Variants in SPACA7 observed in about 807,000 individuals in gnomAD.
The protein encoded by SPACA7 is sperm acrosome associated 7.
Under a neutral mutation model 26.3 loss-of-function variants are expected in SPACA7, and 19 were observed. That is an observed-to-expected ratio of 0.72 (90% CI 0.50 to 1.06). The LOEUF (loss-of-function observed/expected upper bound fraction) is 1.06, where lower values mean the gene tolerates loss of function less well. Ranked by LOEUF, SPACA7 falls within the 50% of genes least tolerant of loss-of-function variation. The pLI is 0.00. For missense variants in SPACA7, 211 were observed against 229.9 expected (o/e 0.92, Z 0.53); for synonymous variants, 84 against 84.5 (o/e 0.99, Z 0.04).
chr13:112,386,355 A>G (rs928890758), intron 1 of SPACA7, among the ~76,000 whole-genome samples: 1 of 152,240 alleles, frequency 6.6e-6, no homozygotes, highest in Non-Finnish European at 1.5e-5. Context: ...TTATACTGCG[A>G]AGTAGTTTCT....
intron 5 of SPACA7, among the ~76,000 whole-genome samples, chr13:112,417,614 T>C (rs1886773463): frequency 6.6e-6 from 1 of 152,186 alleles, no homozygotes; most frequent in Non-Finnish European, 1.5e-5. Context: ...CCAGGTGTTA[T>C]ATATTTTGAA....
chr13:112,379,068 G>C (rs753702817), intron 1 of SPACA7, among the ~76,000 whole-genome samples: 3 of 152,090 alleles, frequency 2.0e-5, no homozygotes, highest in Admixed American at 6.5e-5. Flanking sequence ...CTTTAAATCT[G>C]GAAAACAAAA....
At chr13:112,411,434 G>A (rs1441830035) in intron 5 of SPACA7, among the ~76,000 whole-genome samples, 1 of 152,100 alleles carries the variant, frequency 6.6e-6, no homozygotes, top group African/African-American at 2.4e-5. Flanking sequence ...TCATTTCTTT[G>A]GGTTGAGAAC....
chr13:112,433,269 A>G (rs145924721), intron 6 of SPACA7, among the ~76,000 whole-genome samples: 30,767 of 141,094 alleles, frequency 0.22, 1,300 homozygotes, highest in East Asian at 0.51. Flanking sequence ...ACTTTGGCAA[A>G]TGAGCCATTG....
chr13:112,424,420 C>T (rs1876326315), intron 5 of SPACA7, among the ~76,000 whole-genome samples: 1 of 152,064 alleles, frequency 6.6e-6, no homozygotes, highest in South Asian at 2.1e-4. Context: ...CTGGCCCGGG[C>T]CAGGGAGGAT....
At chr13:112,390,603 G>A (rs978687864) in intron 1 of SPACA7, among the ~76,000 whole-genome samples, 2 of 152,144 alleles carry the variant, frequency 1.3e-5, no homozygotes, top group South Asian at 4.2e-4. Flanking sequence ...CTGCTTCTGG[G>A]GAGGCCTCAG....
chr13:112,398,242 C>T (rs1219014446), intron 3 of SPACA7, 104 bp downstream of exon 3: 1 of 839,412 alleles, frequency 1.2e-6, no homozygotes. Flanking sequence ...GCATTAAGAC[C>T]AGCTATTTCT....
rs570681046 is a variant in SPACA7 at position 112,406,154 on chromosome 13, A to G, written c.445+4990A>G. Among the ~76,000 whole-genome samples the G allele has an allele frequency of 5.9e-5, 9 of 152,308 alleles. No homozygotes were observed. In the South Asian group the frequency reaches 1.7e-3, roughly 28 times the overall value. ...ACTGTACAGTTCCATGATGTTAAAC[A>G]TATTCATAATGCTGTCTAACCATCA... On this transcript the variant is annotated intron_variant, in intron 5 of 6. Coordinates refer to ENST00000283550, the MANE Select transcript of SPACA7 (RefSeq NM_145248.5).
chr13:112,414,133 T>C (rs1236387140), intron 5 of SPACA7, among the ~76,000 whole-genome samples: 2 of 151,964 alleles, frequency 1.3e-5, no homozygotes, highest in Non-Finnish European at 2.9e-5. Context: ...CCCAAACACC[T>C]CCCAGAAGGC....
intron 5 of SPACA7, among the ~76,000 whole-genome samples, chr13:112,414,100 T>C (rs1487758323): frequency 2.0e-5 from 3 of 152,058 alleles, no homozygotes; most frequent in Non-Finnish European, 4.4e-5. Flanking sequence ...ACCAAGCTGT[T>C]TATGAGGGAT....
At chr13:112,398,571 T>C (rs1210904769) in intron 3 of SPACA7, among the ~76,000 whole-genome samples, 1 of 152,102 alleles carries the variant, frequency 6.6e-6, no homozygotes, top group Non-Finnish European at 1.5e-5. Context: ...AAAACCAAGG[T>C]CTAGCAAATG....
At chr13:112,403,069 T>C (rs1885749850) in intron 5 of SPACA7, among the ~76,000 whole-genome samples, 2 of 152,092 alleles carry the variant, frequency 1.3e-5, no homozygotes. Context: ...CAGAAGCATT[T>C]TGTCTTTTAA....
At chr13:112,385,098 AT>A (rs1325708106) in intron 1 of SPACA7, among the ~76,000 whole-genome samples, 1 of 152,184 alleles carries the variant, frequency 6.6e-6, no homozygotes, top group East Asian at 1.9e-4. Context: ...TGATTTTAAT[AT>A]TTTAGCCTAC....
At chr13:112,402,416 G>A (rs1341616427) in intron 5 of SPACA7, among the ~76,000 whole-genome samples, 6 of 152,164 alleles carry the variant, frequency 3.9e-5, no homozygotes, top group Admixed American at 2.0e-4. Flanking sequence ...TCTTGTTTGA[G>A]TTAGCTTTAT....
At chr13:112,410,142 C>T (rs979846285) in intron 5 of SPACA7, among the ~76,000 whole-genome samples, 1 of 152,074 alleles carries the variant, frequency 6.6e-6, no homozygotes. Context: ...CACATGTTCT[C>T]ACTCATAGGT....
chr13:112,400,236 T>C (rs1317224645), intron 4 of SPACA7, among the ~76,000 whole-genome samples: 1 of 151,492 alleles, frequency 6.6e-6, no homozygotes, highest in Non-Finnish European at 1.5e-5. Flanking sequence ...CCCCAAAGAG[T>C]CCCCCCAATA....
At chr13:112,389,253 T>A (rs1244106271) in intron 1 of SPACA7, among the ~76,000 whole-genome samples, 1 of 152,228 alleles carries the variant, frequency 6.6e-6, no homozygotes, top group African/African-American at 2.4e-5. Flanking sequence ...AAAAGCATAA[T>A]GGAGCCTGTT....
At chr13:112,403,176 A>G (rs187593453) in intron 5 of SPACA7, among the ~76,000 whole-genome samples, 6 of 152,234 alleles carry the variant, frequency 3.9e-5, no homozygotes, top group East Asian at 1.9e-4. Flanking sequence ...GTGATTCTTC[A>G]GGTTTCTTAA....
At chr13:112,394,164 G>A (rs185700444) in intron 2 of SPACA7, among the ~76,000 whole-genome samples, 147 of 152,232 alleles carry the variant, frequency 9.7e-4, no homozygotes, top group African/African-American at 2.6e-3. Context: ...GGACAGCCGC[G>A]CTCCAGGGTG....
Sources: gnomAD v4.1 joint callset for allele counts (sites outside exome capture counted in the v4.1 genomes callset) on GRCh38, gnomAD v4.1.1 for gene constraint, MANE v1.5 for transcripts, NCBI Gene and HGNC (gene_info 2026-07-23, HGNC 2026-07-21) for gene names.